The following JARID2 variants were observed in gnomAD, a reference collection of about 807,000 sequenced individuals.
The protein encoded by JARID2 is jumonji and AT-rich interaction domain containing 2, also known as protein Jumonji.
In JARID2, 21 loss-of-function variants were observed where a neutral mutation model predicts 125.6. That is an observed-to-expected ratio of 0.17 (90% confidence interval 0.12 to 0.24). JARID2 has a LOEUF of 0.24. Among genes scored for constraint, JARID2 ranks in the 10% least tolerant of loss-of-function variants. JARID2 has a pLI of 1.00. For synonymous variants in JARID2, 736 were observed against 661.6 expected (o/e 1.11, Z -1.73); for missense variants, 1,303 against 1,639.6 (o/e 0.79, Z 3.55).
intron 12 of JARID2, chr6:15,509,216 C>T: frequency 8.2e-7 from 1 of 1,220,348 alleles, no homozygotes. Flanking sequence ...TCTTTGGTGT[C>T]TTTGTTTACG....
chr6:15,354,643 G>A (rs1216543360), intron 1 of JARID2, among the ~76,000 whole-genome samples: 1 of 152,122 alleles, frequency 6.6e-6, no homozygotes, highest in Non-Finnish European at 1.5e-5. Flanking sequence ...CAAGATCATA[G>A]AGCCAGTAAA....
chr6:15,480,679 C>T lies in JARID2; in HGVS notation c.671-6628C>T, dbSNP rs183032127. Among the ~76,000 whole-genome samples the T allele has an allele frequency of 5.9e-5, 9 of 152,346 alleles. No homozygotes were observed. The East Asian group carries it at 1.7e-3, about 29-fold the overall frequency. On this transcript the variant is annotated intron_variant, in intron 5 of 17. Coordinates refer to ENST00000341776, the MANE Select transcript of JARID2 (RefSeq NM_004973.4). ...TCTTATATTTGCGCAACTCCTTTCT[C>T]TGAAGAACGCAAAGCACTTATATAC...
chr6:15,461,121 C>T (rs970775852), intron 4 of JARID2, among the ~76,000 whole-genome samples: 1 of 152,162 alleles, frequency 6.6e-6, no homozygotes, highest in Non-Finnish European at 1.5e-5. Context: ...TGAGATGAAG[C>T]GAACCATAGA....
chr6:15,447,715 A>C (rs975159305), intron 3 of JARID2, among the ~76,000 whole-genome samples: 2 of 152,188 alleles, frequency 1.3e-5, no homozygotes, highest in Non-Finnish European at 2.9e-5. Context: ...GGAGTGAGGA[A>C]ATAAATGGTG....
rs1213144115 is a variant in JARID2 at position 15,504,359 on chromosome 6, G to A, written c.2449-141G>A. Reference sequence around the variant, plus strand: ...TAGAGAATATATTTCTTCCTTCTCTGCCTGTCATTAACTCAGAATACAAGG... The same window carrying A: ...TAGAGAATATATTTCTTCCTTCTCTACCTGTCATTAACTCAGAATACAAGG... On this transcript the variant is annotated intron_variant, in intron 8 of 17. Coordinates refer to ENST00000341776, the MANE Select transcript of JARID2 (RefSeq NM_004973.4). 3.5e-5 allele frequency: 22 copies of A among 633,732 alleles called. 1 individual carries two copies. Among genetic ancestry groups the A allele is most frequent in the Non-Finnish European group, 5.1e-5 (18 of 350,584 alleles). The allele number at this position is 633,732 out of a possible 1,614,324, so 39.3% of individuals were successfully genotyped here.
chr6:15,492,835 A>G (rs780663130), intron 6 of JARID2, among the ~76,000 whole-genome samples: 2 of 152,162 alleles, frequency 1.3e-5, no homozygotes, highest in African/African-American at 2.4e-5. Context: ...GGTGAGATCC[A>G]TCTAGTCTTT....
intron 4 of JARID2, among the ~76,000 whole-genome samples, chr6:15,463,870 C>G (rs541433744): frequency 9.9e-5 from 15 of 152,202 alleles, no homozygotes; most frequent in Non-Finnish European, 2.2e-4. Context: ...CCCTGGGCTG[C>G]TATCTGACTT....
At chr6:15,247,544 T>TA in intron 1 of JARID2, 1 of 974,312 alleles carries the variant, frequency 1.0e-6, no homozygotes, top group Non-Finnish European at 1.2e-6. Flanking sequence ...TTTTTTTTTT[T>TA]CAAAAAAGGC....
Position 15,246,198 on chromosome 6 carries a change from G to A in JARID2, c.-342G>A. 1 of 468,900 alleles carries A rather than the reference G, an allele frequency of 2.1e-6. No individual in the cohort carries two copies. Among genetic ancestry groups the A allele is most frequent in the African/African-American group, 2.0e-5 (1 of 49,106 alleles). 29.0% of individuals were successfully genotyped at this position (468,900 alleles called of 1,614,324 possible). A position where few individuals can be genotyped will look rare whatever the true frequency, so the allele number is the denominator to read the frequency against. On this transcript the variant is annotated 5_prime_UTR_variant, in exon 1 of 18. Coordinates refer to ENST00000341776, the MANE Select transcript of JARID2 (RefSeq NM_004973.4). ...ACACTAAGGACCTTCACGTTTCGCT[G>A]ATGTAGTTTTTGGAGGAAAAAGGGG...
At chr6:15,393,375 G>GT (rs1276694922) in intron 2 of JARID2, among the ~76,000 whole-genome samples, 3 of 152,162 alleles carry the variant, frequency 2.0e-5, no homozygotes, top group Admixed American at 2.0e-4. Context: ...CCTTATGTAG[G>GT]TTTTCCCTTA....
intron 4 of JARID2, among the ~76,000 whole-genome samples, chr6:15,465,834 T>G (rs995290870): frequency 6.6e-6 from 1 of 152,016 alleles, no homozygotes; most frequent in Non-Finnish European, 1.5e-5. Flanking sequence ...GACGGAGTCT[T>G]GTTCTGTCGC....
intron 3 of JARID2, among the ~76,000 whole-genome samples, chr6:15,417,841 A>G (rs1391309531): frequency 3.3e-5 from 5 of 152,248 alleles, no homozygotes; most frequent in East Asian, 1.9e-4. Flanking sequence ...TATATGTGAC[A>G]CATGAATTGC....
Position 15,273,463 on chromosome 6 carries a change from A to G in JARID2, c.45+26879A>G, listed in dbSNP as rs530559939. Among the ~76,000 whole-genome samples the G allele has an allele frequency of 3.3e-5, 5 of 152,346 alleles. No homozygotes were observed. In the South Asian group the frequency reaches 1.0e-3, roughly 32 times the overall value. On this transcript the variant is annotated intron_variant, in intron 1 of 17. Transcript: ENST00000341776. ...ACGCCTGTAATCCCAGGACTTTGGG[A>G]GGCCAAGGTGGGTGGATCACCTGAG...
chr6:15,277,243 T>C (rs1202625944), intron 1 of JARID2, among the ~76,000 whole-genome samples: 1 of 152,162 alleles, frequency 6.6e-6, no homozygotes, highest in African/African-American at 2.4e-5. Context: ...CTGGAGTATA[T>C]GCAGGGGCTG....
At chr6:15,262,575 C>G (rs904610883) in intron 1 of JARID2, among the ~76,000 whole-genome samples, 3 of 149,586 alleles carry the variant, frequency 2.0e-5, no homozygotes, top group Non-Finnish European at 3.0e-5. Context: ...CACTCTAGCC[C>G]AGGCTGGAGT....
chr6:15,373,242 C>A (rs1764236342), intron 1 of JARID2, among the ~76,000 whole-genome samples: 1 of 152,194 alleles, frequency 6.6e-6, no homozygotes, highest in Non-Finnish European at 1.5e-5. Flanking sequence ...TGTCTGTCTT[C>A]CCACCTCTTG....
chr6:15,429,670 A>G (rs1766887467), intron 3 of JARID2, among the ~76,000 whole-genome samples: 1 of 152,200 alleles, frequency 6.6e-6, no homozygotes, highest in Non-Finnish European at 1.5e-5. Flanking sequence ...GAGGGGGTGT[A>G]TGCACACGTG....
chr6:15,293,283 T>C (rs1200348840), intron 1 of JARID2, among the ~76,000 whole-genome samples: 1 of 152,142 alleles, frequency 6.6e-6, no homozygotes, highest in Non-Finnish European at 1.5e-5. Context: ...GGCGTGGTGG[T>C]GGGCACCTGT....
intron 1 of JARID2, among the ~76,000 whole-genome samples, chr6:15,288,884 C>T (rs560065357): frequency 1.4e-3 from 220 of 152,320 alleles, no homozygotes; most frequent in Middle Eastern, 0.014. Flanking sequence ...GAAGAAGGGT[C>T]TACCCTTAAA....
Sources: gnomAD v4.1 joint callset for allele counts (sites outside exome capture counted in the v4.1 genomes callset) on GRCh38, gnomAD v4.1.1 for gene constraint, MANE v1.5 for transcripts, NCBI Gene and HGNC (gene_info 2026-07-23, HGNC 2026-07-21) for gene names.